Variants in PRR16 observed in about 807,000 individuals in gnomAD.
PRR16 encodes the protein proline rich 16.
PRR16 carries 6 observed loss-of-function variants against 18.2 expected under a neutral mutation model. The ratio of observed to expected loss-of-function variants is 0.33; its 90% CI spans 0.18 to 0.65. The LOEUF is 0.65. Among genes scored for constraint, PRR16 ranks in the 30% least tolerant of loss-of-function variants. The pLI, the probability that PRR16 is intolerant of heterozygous loss-of-function variation, is 0.74. For synonymous variants in PRR16, 151 were observed against 147.8 expected, an observed-to-expected ratio of 1.02 and a Z score of -0.16; for missense variants, 412 against 376.6, an observed-to-expected ratio of 1.09 and a Z score of -0.78.
the PRR16 span, among the ~76,000 whole-genome samples, chr5:120,699,431 G>A: frequency 6.6e-6 from 1 of 152,178 alleles, no homozygotes; most frequent in South Asian, 2.1e-4. Flanking sequence ...ATACAGTCAT[G>A]GGGGTCAGGT....
At chr5:120,537,027 C>T (rs2112675852) in intron 1 of PRR16, among the ~76,000 whole-genome samples, 1 of 152,220 alleles carries the variant, frequency 6.6e-6, no homozygotes, top group East Asian at 1.9e-4. Flanking sequence ...GAACAATACA[C>T]TGGAATCTAC....
At chr5:120,736,175 T>A in the PRR16 span, among the ~76,000 whole-genome samples, 5,003 of 152,352 alleles carry the variant, frequency 0.033, 212 homozygotes, top group African/African-American at 0.097. Flanking sequence ...CATTGGCATA[T>A]ATGCCTGTCT....
At chr5:120,619,361 GA>G (rs1161497296) in intron 1 of PRR16, among the ~76,000 whole-genome samples, 2 of 152,070 alleles carry the variant, frequency 1.3e-5, no homozygotes, top group African/African-American at 4.8e-5. Flanking sequence ...AGTTGACTAG[GA>G]AAAATAATAG....
intron 1 of PRR16, among the ~76,000 whole-genome samples, chr5:120,488,407 T>C (rs1182290212): frequency 1.3e-5 from 2 of 152,214 alleles, no homozygotes; most frequent in Non-Finnish European, 1.5e-5. Context: ...ATTTATCTAT[T>C]TCCTCTAGAT....
the PRR16 span, among the ~76,000 whole-genome samples, chr5:120,753,225 C>T: frequency 2.6e-4 from 40 of 151,960 alleles, no homozygotes; most frequent in African/African-American, 8.4e-4. Context: ...AGCCCAGGAG[C>T]GGAGCGAATA....
At chr5:120,730,113 G>T in the PRR16 span, among the ~76,000 whole-genome samples, 1 of 152,010 alleles carries the variant, frequency 6.6e-6, no homozygotes, top group Non-Finnish European at 1.5e-5. Flanking sequence ...TGTATGCTTC[G>T]TTTTAGAAAT....
At chr5:120,504,215 C>T (rs1169433615) in intron 1 of PRR16, among the ~76,000 whole-genome samples, 5 of 152,204 alleles carry the variant, frequency 3.3e-5, no homozygotes, top group Non-Finnish European at 7.3e-5. Context: ...CACCCACTCT[C>T]TTCTTCCCTC....
At chr5:120,743,337 G>GT in the PRR16 span, among the ~76,000 whole-genome samples, 25 of 150,502 alleles carry the variant, frequency 1.7e-4, no homozygotes, top group African/African-American at 5.6e-4. Flanking sequence ...TTGTTTGATT[G>GT]TTTTTTTCAA....
chr5:120,594,962 T>C (rs76158411), intron 1 of PRR16, among the ~76,000 whole-genome samples: 8,928 of 151,924 alleles, frequency 0.059, 342 homozygotes, highest in South Asian at 0.084. Flanking sequence ...CAACCAAAAA[T>C]GGGATGAAGA....
At chr5:120,544,461 A>C (rs1481794712) in intron 1 of PRR16, among the ~76,000 whole-genome samples, 1 of 152,114 alleles carries the variant, frequency 6.6e-6, no homozygotes, top group Non-Finnish European at 1.5e-5. Context: ...AACATTAAGC[A>C]ATGCCTTTCT....
At chr5:120,487,755 G>T (rs188718083) in intron 1 of PRR16, among the ~76,000 whole-genome samples, 1 of 152,066 alleles carries the variant, frequency 6.6e-6, no homozygotes, top group Admixed American at 6.6e-5. Flanking sequence ...TCCAGTTTTT[G>T]CCCATTTAGT....
At chr5:120,605,872 C>T (rs1474247885) in intron 1 of PRR16, among the ~76,000 whole-genome samples, 1 of 152,168 alleles carries the variant, frequency 6.6e-6, no homozygotes, top group African/African-American at 2.4e-5. Flanking sequence ...GGAGGTCAAG[C>T]ACCTCCTGCA....
At chr5:120,468,365 A>T (rs1206361100) in intron 1 of PRR16, among the ~76,000 whole-genome samples, 1 of 152,162 alleles carries the variant, frequency 6.6e-6, no homozygotes, top group Non-Finnish European at 1.5e-5. Flanking sequence ...GAAGATTTTG[A>T]ATTCTTCTTT....
intron 1 of PRR16, among the ~76,000 whole-genome samples, chr5:120,513,994 G>A (rs1416425445): frequency 2.0e-5 from 3 of 151,912 alleles, no homozygotes; most frequent in Non-Finnish European, 2.9e-5. Flanking sequence ...TCCTGACCTC[G>A]TGATCCACCC....
At chr5:120,700,271 T>C in the PRR16 span, among the ~76,000 whole-genome samples, 1 of 152,148 alleles carries the variant, frequency 6.6e-6, no homozygotes, top group Non-Finnish European at 1.5e-5. Flanking sequence ...TAAAAGGCCA[T>C]GCTGTAGCAG....
chr5:120,529,197 A>G (rs1438998641), intron 1 of PRR16, among the ~76,000 whole-genome samples: 1 of 152,172 alleles, frequency 6.6e-6, no homozygotes, highest in African/African-American at 2.4e-5. Context: ...ACTAAATACC[A>G]GGTGATATAC....
intron 1 of PRR16, among the ~76,000 whole-genome samples, chr5:120,465,194 G>A (rs1424840187): frequency 6.6e-6 from 1 of 152,154 alleles, no homozygotes; most frequent in East Asian, 1.9e-4. Context: ...AAGGCGACCC[G>A]GGCTGCTGGC....
the PRR16 span, among the ~76,000 whole-genome samples, chr5:120,708,966 T>C: frequency 6.7e-6 from 1 of 150,192 alleles, no homozygotes; most frequent in South Asian, 2.1e-4. Flanking sequence ...CTTTACTCTT[T>C]ACTCTTTGGT....
intron 1 of PRR16, among the ~76,000 whole-genome samples, chr5:120,576,313 A>G (rs947417643): frequency 3.9e-5 from 6 of 152,318 alleles, no homozygotes; most frequent in East Asian, 1.9e-4. Context: ...AGTAACAACA[A>G]CAACAATAAC....
Sources: gnomAD v4.1 joint callset for allele counts (sites outside exome capture counted in the v4.1 genomes callset) on GRCh38, gnomAD v4.1.1 for gene constraint, MANE v1.5 for transcripts, NCBI Gene and HGNC (gene_info 2026-07-23, HGNC 2026-07-21) for gene names.